CHST11: variants seen among roughly 807,000 people sequenced by gnomAD.
CHST11 encodes the protein C4S-1.
Under a neutral mutation model 30.4 loss-of-function variants are expected in CHST11, and 9 were observed. That is an observed-to-expected ratio of 0.30 (90% confidence interval 0.18 to 0.52). CHST11 has a LOEUF of 0.52. Ranked by LOEUF, CHST11 falls within the 20% of genes least tolerant of loss-of-function variation. CHST11 has a pLI of 0.97. For synonymous variants in CHST11, 152 were observed against 187.8 expected (o/e 0.81, Z 1.56); for missense variants, 348 against 460.6 (o/e 0.76, Z 2.24).
rs552872198 is a variant in CHST11 at position 104,632,583 on chromosome 12, G to C, written c.204+30592G>C. 3.3e-4 allele frequency among the ~76,000 whole-genome samples: 50 copies of C among 152,326 alleles called. 1 individual carries two copies. In the South Asian group the frequency reaches 0.01, roughly 31 times the overall value. On this transcript the variant is annotated intron_variant, in intron 2 of 2. Coordinates refer to ENST00000303694, the MANE Select transcript of CHST11 (RefSeq NM_018413.6). ...ATTGGCAAGCTGTCAGGGTTGGTCT[G>C]GGGGAGGAGGGAACCTCCTGAAATC...
Position 104,574,119 on chromosome 12 carries a change from A to G in CHST11, c.119-27787A>G, listed in dbSNP as rs10861237. On this transcript the variant is annotated intron_variant, in intron 1 of 2. Coordinates refer to ENST00000303694, the MANE Select transcript of CHST11 (RefSeq NM_018413.6). Reference sequence around the variant, plus strand: ...AAAGACACATGAAAAAATGCTCATCATCACTGGCCATCAGAGAAATGCAAA... The same window carrying G: ...AAAGACACATGAAAAAATGCTCATCGTCACTGGCCATCAGAGAAATGCAAA... Among the ~76,000 whole-genome samples, 2,749 of 152,348 alleles carry G rather than the reference A, an allele frequency of 0.018. 155 individuals carry two copies. In the East Asian group the frequency reaches 0.19, roughly 10 times the overall value.
chr12:104,532,787 C>T (rs2038198420), intron 1 of CHST11, among the ~76,000 whole-genome samples: 1 of 152,116 alleles, frequency 6.6e-6, no homozygotes, highest in Admixed American at 6.5e-5. Flanking sequence ...TCCTACAATG[C>T]TCCTGAGCTA....
At chr12:104,723,840 T>C (rs1319546670) in intron 2 of CHST11, among the ~76,000 whole-genome samples, 1 of 152,248 alleles carries the variant, frequency 6.6e-6, no homozygotes, top group Non-Finnish European at 1.5e-5. Context: ...TAAAACGAAT[T>C]CTGTTCAGTG....
intron 1 of CHST11, among the ~76,000 whole-genome samples, chr12:104,574,544 T>A (rs983240483): frequency 6.6e-6 from 1 of 152,022 alleles, no homozygotes; most frequent in East Asian, 1.9e-4. Flanking sequence ...AAATGATGAG[T>A]TCATGTCCTT....
chr12:104,715,796 G>A (rs2040125937), intron 2 of CHST11, among the ~76,000 whole-genome samples: 1 of 152,156 alleles, frequency 6.6e-6, no homozygotes, highest in Non-Finnish European at 1.5e-5. Flanking sequence ...GGGGGATATC[G>A]CTCAGGGATG....
At chr12:104,752,310 C>T (rs1036154975) in intron 2 of CHST11, among the ~76,000 whole-genome samples, 5 of 152,172 alleles carry the variant, frequency 3.3e-5, no homozygotes, top group Non-Finnish European at 7.3e-5. Flanking sequence ...AAGGACACCA[C>T]CCATTGGGTC....
At chr12:104,533,748 G>T (rs991900144) in intron 1 of CHST11, among the ~76,000 whole-genome samples, 1 of 152,216 alleles carries the variant, frequency 6.6e-6, no homozygotes, top group African/African-American at 2.4e-5. Context: ...CAGTGGAAAC[G>T]TAGGAGCTGG....
chr12:104,754,274 G>C (rs1346281423), intron 2 of CHST11, among the ~76,000 whole-genome samples: 1 of 152,178 alleles, frequency 6.6e-6, no homozygotes, highest in African/African-American at 2.4e-5. Context: ...TCCTGTTGCA[G>C]TTATTTATTG....
intron 1 of CHST11, among the ~76,000 whole-genome samples, chr12:104,578,992 A>G (rs1314251997): frequency 6.6e-6 from 1 of 152,230 alleles, no homozygotes; most frequent in Non-Finnish European, 1.5e-5. Flanking sequence ...TACTCAAAGT[A>G]GCAACAAAAA....
intron 1 of CHST11, among the ~76,000 whole-genome samples, chr12:104,568,668 C>T (rs1592767480): frequency 6.6e-6 from 1 of 152,112 alleles, no homozygotes; most frequent in African/African-American, 2.4e-5. Context: ...TTGTATTTAT[C>T]AACTCACTTA....
chr12:104,611,064 A>G (rs2039055972), intron 2 of CHST11, among the ~76,000 whole-genome samples: 1 of 152,134 alleles, frequency 6.6e-6, no homozygotes, highest in South Asian at 2.1e-4. Context: ...GTCCTTCTAG[A>G]ATGGTGCTGC....
Position 104,666,025 on chromosome 12 carries a change from G to A in CHST11, c.204+64034G>A, listed in dbSNP as rs574376635. 4.5e-4 allele frequency among the ~76,000 whole-genome samples: 69 copies of A among 151,838 alleles called. 1 individual carries two copies. In the South Asian group the frequency reaches 5.8e-3, roughly 13 times the overall value. Reference sequence around the variant, plus strand: ...AATAGAGATGGGGTTTCACCATGTTGGCCAGGATGGTCTTGATCTCCCGAC... The same window carrying A: ...AATAGAGATGGGGTTTCACCATGTTAGCCAGGATGGTCTTGATCTCCCGAC... On this transcript the variant is annotated intron_variant, in intron 2 of 2. Coordinates refer to ENST00000303694, the MANE Select transcript of CHST11 (RefSeq NM_018413.6).
chr12:104,514,191 C>G (rs1227421265), intron 1 of CHST11: 1 of 918,240 alleles, frequency 1.1e-6, no homozygotes. Flanking sequence ...ATAGGAGTTC[C>G]AGACCAGTGT....
At chr12:104,666,326 G>A (rs2039642761) in intron 2 of CHST11, among the ~76,000 whole-genome samples, 1 of 152,168 alleles carries the variant, frequency 6.6e-6, no homozygotes, top group Non-Finnish European at 1.5e-5. Context: ...TTGGATGCAA[G>A]CGAGAATGGA....
At chr12:104,491,871 C>T (rs1171788662) in intron 1 of CHST11, among the ~76,000 whole-genome samples, 1 of 152,162 alleles carries the variant, frequency 6.6e-6, no homozygotes, top group Non-Finnish European at 1.5e-5. Context: ...AAGACTGAAT[C>T]CTTGCTCAAC....
Position 104,689,917 on chromosome 12 carries a change from A to T in CHST11, c.205-67032A>T, listed in dbSNP as rs2039881844. Among the ~76,000 whole-genome samples the T allele has an allele frequency of 2.7e-5, 4 of 147,174 alleles. No individual in the cohort carries two copies. The South Asian group carries it at 8.6e-4, about 32-fold the overall frequency. ...TTCCTCTTTCACAAAATGTCTGTGC[A>T]TTTTTTTTTTACTTAAAACCACTAC... On this transcript the variant is annotated intron_variant, in intron 2 of 2. Coordinates refer to ENST00000303694, the MANE Select transcript of CHST11 (RefSeq NM_018413.6).
At chr12:104,572,154 G>A (rs2038633499) in intron 1 of CHST11, among the ~76,000 whole-genome samples, 2 of 151,834 alleles carry the variant, frequency 1.3e-5, no homozygotes, top group South Asian at 4.2e-4. Context: ...ATGTTCATCA[G>A]GGATATTGGT....
At chr12:104,501,921 A>G (rs555011250) in intron 1 of CHST11, among the ~76,000 whole-genome samples, 1 of 152,370 alleles carries the variant, frequency 6.6e-6, no homozygotes, top group South Asian at 2.1e-4. Flanking sequence ...GGTAAGGCAC[A>G]GCTGTGAGCA....
chr12:104,630,220 T>A (rs1302447334), intron 2 of CHST11, among the ~76,000 whole-genome samples: 1 of 152,182 alleles, frequency 6.6e-6, no homozygotes, highest in African/African-American at 2.4e-5. Context: ...GTACAGGACA[T>A]GTATACCAGG....
Sources: gnomAD v4.1 joint callset for allele counts (sites outside exome capture counted in the v4.1 genomes callset) on GRCh38, gnomAD v4.1.1 for gene constraint, MANE v1.5 for transcripts, NCBI Gene and HGNC (gene_info 2026-07-23, HGNC 2026-07-21) for gene names.